The following ADAMTS20 variants were observed in gnomAD, a reference collection of about 807,000 sequenced individuals.
The protein encoded by ADAMTS20 is A disintegrin and metalloproteinase with thrombospondin motifs 20.
A neutral mutation model predicts 260.1 loss-of-function variants in ADAMTS20; 225 were observed. The observed-to-expected ratio is 0.87, with a 90% CI of 0.78 to 0.97. The LOEUF is 0.97. Among genes scored for constraint, ADAMTS20 ranks in the 50% least tolerant of loss-of-function variants. ADAMTS20 has a pLI of 0.00. For synonymous variants in ADAMTS20, 802 were observed against 769.5 expected (o/e 1.04, Z -0.70); for missense variants, 2,400 against 2,337.7 (o/e 1.03, Z -0.55).
At chr12:43,419,817 C>G (rs1185945888) in intron 28 of ADAMTS20, among the ~76,000 whole-genome samples, 1 of 152,042 alleles carries the variant, frequency 6.6e-6, no homozygotes, top group Non-Finnish European at 1.5e-5. Flanking sequence ...TTTCCCAGGT[C>G]ATACATTTCA....
chr12:43,471,261 T>A (rs964840876), intron 7 of ADAMTS20, among the ~76,000 whole-genome samples: 6 of 152,058 alleles, frequency 3.9e-5, no homozygotes, highest in African/African-American at 1.2e-4. Flanking sequence ...CCCACCCGAA[T>A]ATTGCGCTTT....
Position 43,383,686 on chromosome 12 carries a change from C to T in ADAMTS20, c.4669G>A (p.Glu1557Lys). Residue 1557 changes from glutamate to lysine, a missense_variant, in exon 31 of 39, where the codon GAG (glutamate) becomes AAG (lysine). Glu to Lys is a moderately conservative substitution (Grantham distance 56, BLOSUM62 1). Coordinates refer to ENST00000389420, the MANE Select transcript of ADAMTS20 (RefSeq NM_025003.5). ...TGTCTGATTTGGTTATCTGTGCACT[C>T]CATTCGTTGATGTGAATCTTTTCTC... ...CERKDSHQRM[E>K]CTDNQIRQVN... The T allele has an allele frequency of 6.2e-7, 1 of 1,613,878 alleles. No individual in the cohort carries two copies. Among genetic ancestry groups the T allele is most frequent in the Non-Finnish European group, 8.5e-7 (1 of 1,179,846 alleles).
Position 43,439,931 on chromosome 12 carries a change from C to T in ADAMTS20, c.2429G>A (p.Ser810Asn). 6.2e-7 allele frequency: 1 copy of T among 1,606,880 alleles called. No individual in the cohort carries two copies. The highest frequency in any genetic ancestry group is 8.5e-7 in the Non-Finnish European group (1 of 1,175,894). The stretch of plus-strand genomic sequence containing the variant: ...AAGTTCTTTCTCTTGTCGATTAGTA[C>T]TATTAATTCTTTCAACTGCGTTATT... Reference protein sequence around the residue: ...GSNNAVERINSTNRQEKELIL... With the variant: ...GSNNAVERINNTNRQEKELIL... Residue 810 changes from serine (S) to asparagine (N), a missense_variant, in exon 17 of 39, where the codon AGT becomes AAT. Transcript: ENST00000389420.
At chr12:43,505,049 CTG>C (rs1445888351) in intron 3 of ADAMTS20, among the ~76,000 whole-genome samples, 1 of 152,098 alleles carries the variant, frequency 6.6e-6, no homozygotes, top group African/African-American at 2.4e-5. Flanking sequence ...GACTGATGAA[CTG>C]CAATAGAGAC....
Position 43,431,475 on chromosome 12 carries a change from C to T in ADAMTS20, c.3118G>A (p.Gly1040Arg), listed in dbSNP as rs770107831. 6.2e-7 allele frequency: 1 copy of T among 1,613,930 alleles called. No homozygotes were observed. The highest frequency in any genetic ancestry group is 8.5e-7 in the Non-Finnish European group (1 of 1,179,854). The part of the protein sequence containing the change: ...WSECLVTCGK[G>R]TKQRQVWCQL... ...CACCATACCTGCCGCTGCTTTGTTC[C>T]TTTACCACATGTAACAAGGCACTGT... The change falls in exon 22 of 39, where the codon GGA becomes AGA. Residue 1040 changes from glycine to arginine, a missense_variant. Transcript: ENST00000389420.
At chr12:43,526,060 A>G (rs10785440) in intron 3 of ADAMTS20, among the ~76,000 whole-genome samples, 16,685 of 152,284 alleles carry the variant, frequency 0.11, 1,300 homozygotes, top group East Asian at 0.46. Flanking sequence ...ATTCTACCCC[A>G]AAACTGCAGA....
At chr12:43,516,304 C>A (rs1942999402) in intron 3 of ADAMTS20, among the ~76,000 whole-genome samples, 1 of 152,174 alleles carries the variant, frequency 6.6e-6, no homozygotes, top group Non-Finnish European at 1.5e-5. Flanking sequence ...GTGTCAATGT[C>A]TTTAAAAATA....
chr12:43,542,233 C>A (rs1943386286), intron 2 of ADAMTS20, among the ~76,000 whole-genome samples: 4 of 151,954 alleles, frequency 2.6e-5, no homozygotes, highest in Admixed American at 2.6e-4. Context: ...AATATGAAAT[C>A]AAAAATCATA....
intron 11 of ADAMTS20, among the ~76,000 whole-genome samples, chr12:43,461,526 T>C (rs1942065035): frequency 6.6e-6 from 1 of 152,180 alleles, no homozygotes. Context: ...ATCACACTTT[T>C]GCCACGAGCA....
chr12:43,391,155 C>T (rs900709299), intron 29 of ADAMTS20, among the ~76,000 whole-genome samples: 1 of 152,138 alleles, frequency 6.6e-6, no homozygotes, highest in South Asian at 2.1e-4. Context: ...CTCACTGTGT[C>T]GTCACATGGG....
At chr12:43,508,891 T>A (rs1435432329) in intron 3 of ADAMTS20, among the ~76,000 whole-genome samples, 1 of 152,218 alleles carries the variant, frequency 6.6e-6, no homozygotes, top group Non-Finnish European at 1.5e-5. Context: ...TAGCTAGTTT[T>A]CCTGAAGTTC....
chr12:43,441,081 A>AC (rs1239173537), intron 16 of ADAMTS20, among the ~76,000 whole-genome samples: 6 of 151,290 alleles, frequency 4.0e-5, no homozygotes, highest in Non-Finnish European at 5.9e-5. Flanking sequence ...AAAAAAACAA[A>AC]AAAAAAACTC....
At chr12:43,460,988 A>ATATATATATATATTTTTT in intron 11 of ADAMTS20, among the ~76,000 whole-genome samples, 2 of 26,392 alleles carry the variant, frequency 7.6e-5, no homozygotes, top group Non-Finnish European at 1.3e-4. Flanking sequence ...ATATATATAT[A>ATATATATATATATTTTTT]TTTTTTTTTT....
chr12:43,385,867 C>T (rs1360159421), intron 29 of ADAMTS20, among the ~76,000 whole-genome samples: 1 of 152,064 alleles, frequency 6.6e-6, no homozygotes, highest in African/African-American at 2.4e-5. Flanking sequence ...TTGACTTCTT[C>T]CTGGTTTAGT....
intron 14 of ADAMTS20, 150 bp from the exon 15 acceptor site, chr12:43,446,862 C>A: frequency 1.6e-6 from 1 of 617,650 alleles, no homozygotes; most frequent in Non-Finnish European, 2.8e-6. Context: ...ACTATGAACA[C>A]CTCTATGCAC....
At position 43,434,344 on chromosome 12, in the gene ADAMTS20, A is replaced by G; in HGVS notation, c.2621T>C (p.Ile874Thr). The G allele has an allele frequency of 6.3e-7, 1 of 1,586,744 alleles. No homozygotes were observed. Among genetic ancestry groups the G allele is most frequent in the Non-Finnish European group, 8.6e-7 (1 of 1,166,016 alleles). Residue 874 changes from isoleucine to threonine, a missense_variant, in exon 19 of 39, where the codon ATA becomes ACA. Ile to Thr is a moderately conservative substitution (Grantham distance 89). Coordinates refer to ENST00000389420, the MANE Select transcript of ADAMTS20 (RefSeq NM_025003.5). ...QGLQRRNITC[I>T]HKSDHSVVSD... ...CACAACACTATGATCACTCTTATGT[A>G]TGCAAGTTATGTTTCTTCGCTGAAG...
intron 9 of ADAMTS20, among the ~76,000 whole-genome samples, chr12:43,465,603 A>C (rs1442203874): frequency 6.6e-6 from 1 of 152,100 alleles, no homozygotes; most frequent in Non-Finnish European, 1.5e-5. Flanking sequence ...AAAAGGAAAA[A>C]TATAAATTTT....
rs776942040 is a variant in ADAMTS20 at position 43,446,614 on chromosome 12, G to A, written c.2178C>T (p.Val726=). The A allele has an allele frequency of 3.7e-5, 60 of 1,612,694 alleles. No homozygotes were observed. Among genetic ancestry groups the A allele is most frequent in the Middle Eastern group, 1.6e-4 (1 of 6,074 alleles). ...DNSSCKTITG[V]FNSSHYGYNV... is the part of the protein sequence containing the mutation. Reference sequence around the variant, plus strand: ...ACTTACCATAATGAGAACTGTTGAAGACACCTGTTATTGTCTTGCATGAAG... The same window carrying A: ...ACTTACCATAATGAGAACTGTTGAAAACACCTGTTATTGTCTTGCATGAAG... Residue 726 remains valine (V), a synonymous_variant, in exon 15 of 39, where the codon GTC becomes GTT. Transcript: ENST00000389420.
rs143213780 is a variant in ADAMTS20, at chr12:43,426,221, C to G, written c.4108-531G>C. 2.7e-4 allele frequency among the ~76,000 whole-genome samples: 41 copies of G among 152,150 alleles called. 1 individual carries two copies. In the East Asian group the frequency reaches 5.4e-3, roughly 20 times the overall value. ...ACCAATTTCTAAAACTCATGCAGAA[C>G]AAAAGCCTGGCAGGAAATATACCAA... On this transcript the variant is annotated intron_variant, in intron 27 of 38. Coordinates refer to ENST00000389420, the MANE Select transcript of ADAMTS20 (RefSeq NM_025003.5).
Sources: gnomAD v4.1 joint callset for allele counts (sites outside exome capture counted in the v4.1 genomes callset) on GRCh38, gnomAD v4.1.1 for gene constraint, MANE v1.5 for transcripts, NCBI Gene and HGNC (gene_info 2026-07-23, HGNC 2026-07-21) for gene names.